Variants in GET4 observed in about 807,000 individuals in gnomAD.
GET4 encodes the protein guided entry of tail-anchored proteins factor 4.
Under a neutral mutation model 40.0 loss-of-function variants are expected in GET4, and 20 were observed. The ratio of observed to expected loss-of-function variants is 0.50; its 90% CI spans 0.35 to 0.73. The LOEUF is 0.73. GET4 is among the 30% of genes least tolerant of loss of function. The pLI is 0.01. For missense variants in GET4, 557 were observed against 454.0 expected (o/e 1.23, Z -2.06); for synonymous variants, 280 against 194.6 (o/e 1.44, Z -3.65).
At chr7:878,275 C>T (rs538727456) in intron 1 of GET4, 2 of 471,110 alleles carry the variant, frequency 4.2e-6, no homozygotes, top group Admixed American at 4.7e-5. Flanking sequence ...CAGGACTGCT[C>T]TGTTCCAGTA....
chr7:895,902 G>A lies in GET4; in HGVS notation c.*480G>A, dbSNP rs1273797228. 1 of 152,602 alleles carries A rather than the reference G, an allele frequency of 6.6e-6. No individual in the cohort carries two copies. The highest frequency in any genetic ancestry group is 2.4e-5 in the African/African-American group (1 of 41,476). 9.5% of individuals were successfully genotyped at this position (152,602 alleles called of 1,614,324 possible). A position where few individuals can be genotyped will look rare whatever the true frequency, so the allele number is the denominator to read the frequency against. ...GGGAGCGGCTGTTTTTGAACACGGG[G>A]TCATTCTGCAGTCAGGACGAACCGG... is the stretch of plus-strand genomic sequence containing the variant. On this transcript the variant is annotated 3_prime_UTR_variant, in exon 9 of 9. Transcript: ENST00000265857.
At chr7:889,310 C>T (rs1280160918) in intron 4 of GET4, among the ~76,000 whole-genome samples, 2 of 152,256 alleles carry the variant, frequency 1.3e-5, no homozygotes, top group African/African-American at 4.8e-5. Flanking sequence ...AAGGTGGCCA[C>T]GCACTGCCTC....
chr7:878,688 C>T (rs1401643122), intron 1 of GET4, among the ~76,000 whole-genome samples: 3 of 150,772 alleles, frequency 2.0e-5, no homozygotes, highest in Non-Finnish European at 4.4e-5. Flanking sequence ...AAGCTATATT[C>T]TCCTGCCTCA....
chr7:886,193 G>A, intron 2 of GET4, 59 bp downstream of exon 2: 1 of 1,098,850 alleles, frequency 9.1e-7, no homozygotes, highest in South Asian at 1.2e-5. Flanking sequence ...AGTGGAGGTG[G>A]GAATGACCTC....
chr7:895,547 G>T lies in GET4; in HGVS notation c.*125G>T, dbSNP rs1844462959. 1 of 542,192 alleles carries T rather than the reference G, an allele frequency of 1.8e-6. No homozygotes were observed. The highest frequency in any genetic ancestry group is 3.3e-6 in the Non-Finnish European group (1 of 298,966). The allele number at this position is 542,192 out of a possible 1,614,324, so 33.6% of individuals were successfully genotyped here. On this transcript the variant is annotated 3_prime_UTR_variant, in exon 9 of 9. Transcript: ENST00000265857. ...TGAGGCTGGCGGTGGCCGCATGCCG[G>T]CGCGTGTCTGTTTCTGTGCGGCGGC...
chr7:884,437 A>G (rs1844147763), intron 1 of GET4: 1 of 1,120,454 alleles, frequency 8.9e-7, no homozygotes, highest in Non-Finnish European at 1.2e-6. Context: ...GGAGCACAGC[A>G]AAACCGGAGG....
intron 1 of GET4, chr7:879,716 A>G (rs1024530336): frequency 2.6e-5 from 4 of 152,242 alleles, no homozygotes; most frequent in Admixed American, 2.6e-4. Context: ...TTGGTTTAGA[A>G]AGAGATTCGC....
chr7:877,202 GCTCTCTCT>G (rs145879127), intron 1 of GET4, among the ~76,000 whole-genome samples: 3 of 130,524 alleles, frequency 2.3e-5, no homozygotes, highest in African/African-American at 9.2e-5. Context: ...CCTTGGTCTC[GCTCTCTCT>G]CTCTCTCTCT....
chr7:884,248 G>T (rs1844143507), intron 1 of GET4: 2 of 1,304,014 alleles, frequency 1.5e-6, no homozygotes, highest in African/African-American at 1.5e-5. Context: ...GTGAGGCCAG[G>T]CGTGTCTGGG....
rs138634982 is a variant in GET4 at position 896,406 on chromosome 7, G to T, written c.*984G>T. On this transcript the variant is annotated 3_prime_UTR_variant, in exon 9 of 9. Coordinates refer to ENST00000265857, the MANE Select transcript of GET4 (RefSeq NM_015949.3). ...AATTTCAGGAAGGCTTGTGTGAACC[G>T]TTGCGCATAAATAAACCCTTTCTAC... 6.6e-6 allele frequency: 1 copy of T among 152,186 alleles called. No homozygotes were observed. Among genetic ancestry groups the T allele is most frequent in the Admixed American group, 6.5e-5 (1 of 15,282 alleles). 9.4% of individuals were successfully genotyped at this position (152,186 alleles called of 1,614,324 possible).
At position 886,556 on chromosome 7, in the gene GET4, C is replaced by T; in HGVS notation, c.235-13C>T. 2.5e-6 allele frequency: 4 copies of T among 1,601,756 alleles called. No individual in the cohort carries two copies. The highest frequency in any genetic ancestry group is 3.4e-6 in the Non-Finnish European group (4 of 1,169,424). ...CTTTGTTCTTGATTCTTGTGTGTTG[C>T]TTTCTCTTGTAGCAAAACAGTGCAG... On this transcript the variant is annotated splice_polypyrimidine_tract_variant and intron_variant, in intron 2 of 8. Coordinates refer to ENST00000265857, the MANE Select transcript of GET4 (RefSeq NM_015949.3).
chr7:876,794 T>G lies in GET4; in HGVS notation c.149T>G (p.Phe50Cys), dbSNP rs751812741. 2 of 1,233,290 alleles carry G rather than the reference T, an allele frequency of 1.6e-6. No individual in the cohort carries two copies. Among genetic ancestry groups the G allele is most frequent in the Non-Finnish European group, 2.1e-6 (2 of 972,948 alleles). The allele number at this position is 1,233,290 out of a possible 1,614,324, so 76.4% of individuals were successfully genotyped here. The change falls in exon 1 of 9, where the codon TTC becomes TGC. Residue 50 changes from phenylalanine to cysteine, a missense_variant. Phe to Cys is a radical substitution (Grantham distance 205, BLOSUM62 -2). Coordinates refer to ENST00000265857, the MANE Select transcript of GET4 (RefSeq NM_015949.3). ...GCGCACCAGATGTACCGGACCCTGTTCTTCAGGTACCCGCGCCCGGCCCTC... is the reference window on the plus strand; with the variant it reads ...GCGCACCAGATGTACCGGACCCTGTGCTTCAGGTACCCGCGCCCGGCCCTC... ...YEAHQMYRTL[F>C]FRYMSQSKHT...
In GET4 at chr7:885,997, C is replaced by T. The variant is rs1446740496; in HGVS notation, c.156-59C>T. The T allele has an allele frequency of 6.0e-6, 6 of 995,184 alleles. No homozygotes were observed. In the African/African-American group the frequency reaches 6.3e-5, roughly 11 times the overall value. The allele number at this position is 995,184 out of a possible 1,614,324, so 61.6% of individuals were successfully genotyped here. A position where few individuals can be genotyped will look rare whatever the true frequency, so the allele number is the denominator to read the frequency against. Reference sequence around the variant, plus strand: ...TTTTAGCTTCTGACCTGAAGATGAGCGGGGGAGCGCGGTGGCGAGGGCACG... The same window carrying T: ...TTTTAGCTTCTGACCTGAAGATGAGTGGGGGAGCGCGGTGGCGAGGGCACG... On this transcript the variant is annotated intron_variant, in intron 1 of 8. Coordinates refer to ENST00000265857, the MANE Select transcript of GET4 (RefSeq NM_015949.3).
intron 4 of GET4, among the ~76,000 whole-genome samples, chr7:889,672 G>A (rs1844272203): frequency 6.7e-6 from 1 of 148,356 alleles, no homozygotes; most frequent in African/African-American, 2.5e-5. Flanking sequence ...GTGTTAGGAC[G>A]GGGTCTGGGG....
intron 1 of GET4, chr7:882,383 T>TCCCAATG (rs1844103482): frequency 6.6e-6 from 1 of 152,328 alleles, no homozygotes; most frequent in Non-Finnish European, 1.5e-5. Flanking sequence ...CCCAGCAGGT[T>TCCCAATG]GGTGTCCTTG....
In GET4 at chr7:876,765, C is replaced by T; in HGVS notation, c.120C>T (p.Tyr40=). Residue 40 remains tyrosine (Y), a synonymous_variant, in exon 1 of 9, where the codon TAC becomes TAT. Coordinates refer to ENST00000265857, the MANE Select transcript of GET4 (RefSeq NM_015949.3). ...LRASVEKGDY[Y]EAHQMYRTLF... Reference sequence around the variant, plus strand: ...CCAGCGTCGAGAAGGGCGACTACTACGAGGCGCACCAGATGTACCGGACCC... The same window carrying T: ...CCAGCGTCGAGAAGGGCGACTACTATGAGGCGCACCAGATGTACCGGACCC... The T allele has an allele frequency of 4.4e-6, 6 of 1,348,398 alleles. No individual in the cohort carries two copies. Among genetic ancestry groups the T allele is most frequent in the Non-Finnish European group, 4.8e-6 (5 of 1,035,402 alleles). The allele number at this position is 1,348,398 out of a possible 1,614,324, so 83.5% of individuals were successfully genotyped here.
chr7:877,567 C>T (rs1053067107), intron 1 of GET4, among the ~76,000 whole-genome samples: 1 of 128,134 alleles, frequency 7.8e-6, no homozygotes, highest in Non-Finnish European at 1.6e-5. Context: ...CTGTCCTCGT[C>T]CCTTTCGGCT....
At position 895,982 on chromosome 7, in the gene GET4, AGGGACGCGTGCGGC is replaced by A. The variant is rs1346127448; in HGVS notation, c.*567_*580del. 1 of 152,130 alleles carries A rather than the reference AGGGACGCGTGCGGC, an allele frequency of 6.6e-6. No individual in the cohort carries two copies. Among genetic ancestry groups the A allele is most frequent in the Non-Finnish European group, 1.5e-5 (1 of 68,030 alleles). The allele number at this position is 152,130 out of a possible 1,614,324, so 9.4% of individuals were successfully genotyped here. ...TGCGCCACATCCTCACGCTCGGTGGAGGGACGCGTGCGGCGGGACGGTGCCTACGGGTACTTGCA... is the reference window on the plus strand; with the variant it reads ...TGCGCCACATCCTCACGCTCGGTGGAGGGACGGTGCCTACGGGTACTTGCA... On this transcript the variant is annotated 3_prime_UTR_variant, in exon 9 of 9. Coordinates refer to ENST00000265857, the MANE Select transcript of GET4 (RefSeq NM_015949.3).
At position 896,167 on chromosome 7, in the gene GET4, A is replaced by AC. The variant is rs1844486995; in HGVS notation, c.*745_*746insC. On this transcript the variant is annotated 3_prime_UTR_variant, in exon 9 of 9. Coordinates refer to ENST00000265857, the MANE Select transcript of GET4 (RefSeq NM_015949.3). Reference sequence around the variant, plus strand: ...ACGCAATATTTATTTGTATTGGGTGATGATTGATTCTTTCGACCTAACATT... The same window carrying AC: ...ACGCAATATTTATTTGTATTGGGTGACTGATTGATTCTTTCGACCTAACATT... 6.6e-6 allele frequency: 1 copy of AC among 152,180 alleles called. No individual in the cohort carries two copies. Among genetic ancestry groups the AC allele is most frequent in the Non-Finnish European group, 1.5e-5 (1 of 68,038 alleles). 9.4% of individuals were successfully genotyped at this position (152,180 alleles called of 1,614,324 possible).
Sources: allele counts gnomAD v4.1 joint callset (sites outside exome capture counted in the v4.1 genomes callset), GRCh38; gene constraint gnomAD v4.1.1; transcripts MANE v1.5; gene names NCBI Gene and HGNC (gene_info 2026-07-23, HGNC 2026-07-21).